Variants in FMN2 observed in about 807,000 individuals in gnomAD.
The protein encoded by FMN2 is formin-2.
A neutral mutation model predicts 142.3 loss-of-function variants in FMN2; 51 were observed. The ratio of observed to expected loss-of-function variants is 0.36; its 90% CI spans 0.29 to 0.45. The LOEUF (loss-of-function observed/expected upper bound fraction) is 0.45, where lower values mean the gene tolerates loss of function less well. Ranked by LOEUF, FMN2 falls within the 20% of genes least tolerant of loss-of-function variation. The pLI is 1.00. For synonymous variants in FMN2, 882 were observed against 869.8 expected, an observed-to-expected ratio of 1.01 and a Z score of -0.25; for missense variants, 1,936 against 2,122.8, an observed-to-expected ratio of 0.91 and a Z score of 1.73.
intron 16 of FMN2, among the ~76,000 whole-genome samples, chr1:240,440,872 C>T (rs1675586307): frequency 6.6e-6 from 1 of 152,032 alleles, no homozygotes; most frequent in Non-Finnish European, 1.5e-5. Flanking sequence ...TGCACAATTT[C>T]TTGTATAAAA....
intron 4 of FMN2, 71 bp downstream of exon 4, chr1:240,188,333 G>A (rs889715233): frequency 2.3e-5 from 34 of 1,483,028 alleles, no homozygotes; most frequent in South Asian, 1.4e-4. Flanking sequence ...CAGACTCTGC[G>A]ATTTATCTTT....
At chr1:240,148,796 T>C (rs1015199366) in intron 2 of FMN2, among the ~76,000 whole-genome samples, 18 of 151,990 alleles carry the variant, frequency 1.2e-4, no homozygotes, top group East Asian at 3.9e-4. Context: ...CTGGCTAACA[T>C]GGTGAAACCC....
At chr1:240,474,107 A>G (rs1395470802) in intron 17 of FMN2, 21 bp from the exon 18 acceptor site, 2 of 1,557,750 alleles carry the variant, frequency 1.3e-6, no homozygotes, top group Non-Finnish European at 1.7e-6. Context: ...TAAAACTTTT[A>G]TCTGGTGTAT....
rs10926124 is a variant in FMN2, at chr1:240,093,522, C to A, written c.1413C>A (p.Ala471=). 761,515 of 1,582,298 alleles carry A rather than the reference C, an allele frequency of 0.48. 189,414 individuals carry two copies. Among genetic ancestry groups the A allele is most frequent in the Middle Eastern group, 0.57 (3,320 of 5,852 alleles). Residue 471 remains alanine, a synonymous_variant, in exon 1 of 18, where the codon GCC becomes GCA. Transcript: ENST00000319653. ...SVAAPAKKHR[A]DGGLAAGLSR... ...CCGCCCCGGCCAAGAAGCACCGGGC[C>A]GACGGCGGCCTTGCGGCCGGCCTGA...
At chr1:240,224,873 A>G (rs549248689) in intron 6 of FMN2, among the ~76,000 whole-genome samples, 2 of 152,308 alleles carry the variant, frequency 1.3e-5, no homozygotes, top group African/African-American at 4.8e-5. Context: ...AAGAACTAGC[A>G]TGCAGCAAGG....
In FMN2 at chr1:240,093,356, C is replaced by G. The variant is rs1439047894; in HGVS notation, c.1247C>G (p.Pro416Arg). ...TTCAAGCCCTACCCGCTCATCACCC[C>G]CTGCTACATCAAGACCACCACCCGG... ...RCFKPYPLIT[P>R]CYIKTTTRQL... is the part of the protein sequence containing the mutation. Residue 416 changes from proline to arginine, a missense_variant, in exon 1 of 18, where the codon CCC (proline) becomes CGC (arginine). Physicochemically the swap from Pro to Arg is moderately radical, Grantham distance 103. Transcript: ENST00000319653. 1.2e-6 allele frequency: 2 copies of G among 1,613,268 alleles called. No homozygotes were observed. The highest frequency in any genetic ancestry group is 1.1e-5 in the South Asian group (1 of 91,002).
At chr1:240,325,979 G>C (rs182893643) in intron 8 of FMN2, among the ~76,000 whole-genome samples, 331 of 152,148 alleles carry the variant, frequency 2.2e-3, no homozygotes, top group Non-Finnish European at 3.2e-3. Context: ...TTACATATTG[G>C]TGAGTCAATG....
chr1:240,263,691 C>T (rs1048552335), intron 7 of FMN2, among the ~76,000 whole-genome samples: 5 of 152,158 alleles, frequency 3.3e-5, no homozygotes, highest in African/African-American at 1.2e-4. Context: ...TAGACACTCC[C>T]TCTGCAAAAA....
At chr1:240,441,523 A>T (rs948270497) in intron 16 of FMN2, among the ~76,000 whole-genome samples, 3 of 151,374 alleles carry the variant, frequency 2.0e-5, no homozygotes, top group Non-Finnish European at 4.4e-5. Flanking sequence ...TTTACTATCA[A>T]CCTATTTTCT....
At chr1:240,434,728 ATTTTTTTT>A (rs34969961) in intron 15 of FMN2, among the ~76,000 whole-genome samples, 1 of 130,762 alleles carries the variant, frequency 7.6e-6, no homozygotes, top group South Asian at 2.5e-4. Context: ...CACCCTGCTA[ATTTTTTTT>A]TTTTTTTTTG....
At chr1:240,357,306 C>A (rs1450558411) in intron 14 of FMN2, among the ~76,000 whole-genome samples, 1 of 152,164 alleles carries the variant, frequency 6.6e-6, no homozygotes, top group Non-Finnish European at 1.5e-5. Context: ...TTCTTGGTCA[C>A]ATTATATGTG....
chr1:240,434,555 G>GTTTTTTTTTTTTTTTT (rs57596533), intron 15 of FMN2, among the ~76,000 whole-genome samples: 1 of 148,176 alleles, frequency 6.7e-6, no homozygotes. Context: ...TTTGTTTTTT[G>GTTTTTTTTTTTTTTTT]TTTTTTTTTG....
At chr1:240,177,832 A>G (rs765846270) in intron 2 of FMN2, 89 bp from the exon 3 acceptor site, 759 of 1,156,760 alleles carry the variant, frequency 6.6e-4, no homozygotes, top group Middle Eastern at 1.2e-3. Flanking sequence ...AGTAATTTAC[A>G]TAGAAATGAT....
At chr1:240,226,054 G>A (rs566887531) in intron 6 of FMN2, among the ~76,000 whole-genome samples, 17 of 152,190 alleles carry the variant, frequency 1.1e-4, no homozygotes, top group African/African-American at 4.1e-4. Context: ...AGAAAAATGG[G>A]GGTACACCAC....
chr1:240,418,159 C>T (rs546577417), intron 15 of FMN2, among the ~76,000 whole-genome samples: 4 of 149,756 alleles, frequency 2.7e-5, no homozygotes, highest in African/African-American at 9.8e-5. Context: ...ATCTGATAGA[C>T]TTTGTTTAAT....
intron 2 of FMN2, chr1:240,171,271 A>G (rs1664691475): frequency 1.3e-6 from 1 of 749,848 alleles, no homozygotes; most frequent in South Asian, 1.4e-5. Context: ...TGGAAAAAGC[A>G]TTCGAACTGT....
chr1:240,438,684 A>G (rs1380714406), intron 16 of FMN2, among the ~76,000 whole-genome samples: 1 of 152,224 alleles, frequency 6.6e-6, no homozygotes. Flanking sequence ...AAGACCTTTC[A>G]AGATTCTTGT....
At chr1:240,183,255 G>A (rs1440111276) in intron 3 of FMN2, among the ~76,000 whole-genome samples, 4 of 151,654 alleles carry the variant, frequency 2.6e-5, no homozygotes, top group Non-Finnish European at 2.9e-5. Context: ...ACATAAGTTC[G>A]GTTGAGATAA....
chr1:240,137,967 A>T lies in FMN2; in HGVS notation c.1782+14622A>T, dbSNP rs12126132. Among the ~76,000 whole-genome samples the T allele has an allele frequency of 7.4e-3, 1,105 of 149,352 alleles. 12 individuals are homozygous for T. The highest frequency in any genetic ancestry group is 0.01 in the Non-Finnish European group (679 of 67,454). On this transcript the variant is annotated intron_variant, in intron 2 of 17. Transcript: ENST00000319653. ...TAGCCGGGTGCAGTCGTGTGCGCTG[A>T]GGCAGGAGAATCCCTTGAATCCGGG...
Sources: allele counts gnomAD v4.1 joint callset (sites outside exome capture counted in the v4.1 genomes callset), GRCh38; gene constraint gnomAD v4.1.1; transcripts MANE v1.5; gene names NCBI Gene and HGNC (gene_info 2026-07-23, HGNC 2026-07-21).